The following PLCB1 variants were observed in gnomAD, a reference collection of about 807,000 sequenced individuals.
PLCB1 encodes 1-phosphatidylinositol 4,5-bisphosphate phosphodiesterase beta-1.
PLCB1 carries 46 observed loss-of-function variants against 161.8 expected under a neutral mutation model. The ratio of observed to expected loss-of-function variants is 0.28; its 90% CI spans 0.22 to 0.36. PLCB1 has a LOEUF of 0.36. PLCB1 is among the 10% of genes least tolerant of loss of function. PLCB1 has a pLI of 1.00. For missense variants in PLCB1, 1,016 were observed against 1,472.5 expected (o/e 0.69, Z 5.07); for synonymous variants, 517 against 503.7 (o/e 1.03, Z -0.35).
At chr20:8,303,819 G>A (rs939630253) in intron 2 of PLCB1, among the ~76,000 whole-genome samples, 7 of 152,270 alleles carry the variant, frequency 4.6e-5, no homozygotes, top group Middle Eastern at 6.8e-3. Flanking sequence ...AATTGGAGAT[G>A]TGTTTTTGTC....
intron 5 of PLCB1, among the ~76,000 whole-genome samples, chr20:8,647,197 C>A (rs772284384): frequency 2.0e-5 from 3 of 152,142 alleles, no homozygotes; most frequent in Non-Finnish European, 4.4e-5. Flanking sequence ...TATCATCCTT[C>A]TTCTAGAATA....
chr20:8,764,676 C>A (rs1183243184), intron 25 of PLCB1, among the ~76,000 whole-genome samples: 1 of 152,148 alleles, frequency 6.6e-6, no homozygotes, highest in Non-Finnish European at 1.5e-5. Context: ...ATGCAAGAAG[C>A]TTGCCTTCTT....
At chr20:8,605,923 C>G (rs781131076) in intron 3 of PLCB1, among the ~76,000 whole-genome samples, 1 of 152,068 alleles carries the variant, frequency 6.6e-6, no homozygotes, top group Non-Finnish European at 1.5e-5. Flanking sequence ...TGAGTTATTT[C>G]TTTTAGGATA....
chr20:8,321,673 G>A (rs890726390), intron 2 of PLCB1, among the ~76,000 whole-genome samples: 1 of 152,060 alleles, frequency 6.6e-6, no homozygotes, highest in Admixed American at 6.6e-5. Context: ...AACTTAGACT[G>A]GCTTTATAAC....
chr20:8,455,399 T>C (rs1467181437), intron 3 of PLCB1, among the ~76,000 whole-genome samples: 1 of 147,788 alleles, frequency 6.8e-6, no homozygotes, highest in East Asian at 2.0e-4. Flanking sequence ...AAATGAGATA[T>C]ATATAACAAT....
At chr20:8,283,395 G>GTTCAT (rs1234504303) in intron 2 of PLCB1, among the ~76,000 whole-genome samples, 1 of 151,714 alleles carries the variant, frequency 6.6e-6, no homozygotes, top group African/African-American at 2.4e-5. Context: ...TTTTGGCATA[G>GTTCAT]TTCATTTCAT....
At chr20:8,515,974 C>G in intron 3 of PLCB1, among the ~76,000 whole-genome samples, 1 of 152,084 alleles carries the variant, frequency 6.6e-6, no homozygotes, top group East Asian at 1.9e-4. Context: ...TGGCAGAAGG[C>G]AAAGGAAGAG....
chr20:8,436,251 C>T (rs998489885), intron 3 of PLCB1, among the ~76,000 whole-genome samples: 2 of 151,000 alleles, frequency 1.3e-5, no homozygotes, highest in Non-Finnish European at 2.9e-5. Context: ...TCAAGAATCA[C>T]TTTAACCTGG....
chr20:8,314,696 A>C (rs1420409349), intron 2 of PLCB1, among the ~76,000 whole-genome samples: 1 of 152,194 alleles, frequency 6.6e-6, no homozygotes, highest in African/African-American at 2.4e-5. Context: ...ATTTTTTATT[A>C]AGTAGTGGTA....
chr20:8,709,044 G>T (rs1978850106), intron 12 of PLCB1, among the ~76,000 whole-genome samples: 1 of 152,144 alleles, frequency 6.6e-6, no homozygotes, highest in South Asian at 2.1e-4. Flanking sequence ...ACATGTCTCT[G>T]TTATAGATTT....
At chr20:8,875,498 AT>A in intron 31 of PLCB1, among the ~76,000 whole-genome samples, 1 of 66,066 alleles carries the variant, frequency 1.5e-5, no homozygotes, top group African/African-American at 6.1e-5. Flanking sequence ...TTTATATAAC[AT>A]ATAAAATATT....
intron 3 of PLCB1, among the ~76,000 whole-genome samples, chr20:8,377,368 G>A (rs1453136175): frequency 1.3e-5 from 2 of 152,204 alleles, no homozygotes; most frequent in Non-Finnish European, 2.9e-5. Context: ...GTAGAGTTCA[G>A]ACCTTTTAGG....
intron 9 of PLCB1, among the ~76,000 whole-genome samples, chr20:8,684,012 T>C (rs1271498060): frequency 6.7e-6 from 1 of 150,314 alleles, no homozygotes; most frequent in Non-Finnish European, 1.5e-5. Flanking sequence ...GCCTCCCGAG[T>C]AGCTGGGACT....
intron 3 of PLCB1, among the ~76,000 whole-genome samples, chr20:8,477,943 C>G (rs761607276): frequency 6.6e-6 from 1 of 152,212 alleles, no homozygotes; most frequent in Non-Finnish European, 1.5e-5. Flanking sequence ...TTCCATCTAT[C>G]TCTCCTCTTT....
At chr20:8,512,209 T>G (rs1012595236) in intron 3 of PLCB1, among the ~76,000 whole-genome samples, 3 of 152,198 alleles carry the variant, frequency 2.0e-5, no homozygotes, top group Admixed American at 1.3e-4. Context: ...CAGTCATCAC[T>G]TTTAGTACGT....
At chr20:8,821,746 C>T (rs893038153) in intron 31 of PLCB1, among the ~76,000 whole-genome samples, 49 of 151,750 alleles carry the variant, frequency 3.2e-4, no homozygotes, top group African/African-American at 1.2e-3. Flanking sequence ...AAGCCACTAC[C>T]CCGCTCTGTG....
At chr20:8,208,925 AATG>A (rs1285922974) in intron 2 of PLCB1, among the ~76,000 whole-genome samples, 2 of 152,178 alleles carry the variant, frequency 1.3e-5, no homozygotes, top group Admixed American at 6.5e-5. Flanking sequence ...TTTTGTTCTG[AATG>A]ATATTAAAAT....
At chr20:8,662,501 TTATG>T (rs1989703634) in intron 9 of PLCB1, among the ~76,000 whole-genome samples, 1 of 141,744 alleles carries the variant, frequency 7.1e-6, no homozygotes, top group Non-Finnish European at 1.5e-5. Flanking sequence ...TATTATATAA[TTATG>T]TATAATATAT....
At chr20:8,259,531 G>A (rs1201898908) in intron 2 of PLCB1, among the ~76,000 whole-genome samples, 3 of 152,006 alleles carry the variant, frequency 2.0e-5, no homozygotes, top group Non-Finnish European at 4.4e-5. Flanking sequence ...TGGGAGGATC[G>A]CTTGAGCCCC....
Sources: gnomAD v4.1 joint callset for allele counts (sites outside exome capture counted in the v4.1 genomes callset) on GRCh38, gnomAD v4.1.1 for gene constraint, MANE v1.5 for transcripts, NCBI Gene and HGNC (gene_info 2026-07-23, HGNC 2026-07-21) for gene names.